The following UBL7 variants were observed in gnomAD, a reference collection of about 807,000 sequenced individuals.
UBL7 encodes the protein ubiquitin like 7.
UBL7 carries 21 observed loss-of-function variants against 41.7 expected under a neutral mutation model. The ratio of observed to expected loss-of-function variants is 0.50; its 90% confidence interval spans 0.36 to 0.73. UBL7 has a LOEUF of 0.73. Ranked by LOEUF, UBL7 falls within the 30% of genes least tolerant of loss-of-function variation. The pLI is 0.00. For missense variants in UBL7, 403 were observed against 478.4 expected, an observed-to-expected ratio of 0.84 and a Z score of 1.47; for synonymous variants, 157 against 186.9, an observed-to-expected ratio of 0.84 and a Z score of 1.31.
chr15:74,448,934 A>C (rs527290913), intron 9 of UBL7, among the ~76,000 whole-genome samples: 25 of 152,276 alleles, frequency 1.6e-4, no homozygotes, highest in African/African-American at 6.0e-4. Flanking sequence ...GGAAGGGCAT[A>C]TTGTGTGCAG....
At position 74,458,680 on chromosome 15, in the gene UBL7, TCAC is replaced by T; in HGVS notation, c.184+1_184+3del. On this transcript the variant is annotated splice_donor_variant and splice_donor_region_variant and intron_variant, in intron 2 of 10. Transcript: ENST00000395081. LOFTEE classifies it high-confidence loss of function. ...CAGCCCAACCCCAGTCCAGAGAGACTCACCAATCAGCTCAGGGTCTGGAACAGA... is the reference window on the plus strand; with the variant it reads ...CAGCCCAACCCCAGTCCAGAGAGACTCAATCAGCTCAGGGTCTGGAACAGA... The T allele has an allele frequency of 6.2e-7, 1 of 1,609,460 alleles. No individual in the cohort carries two copies. The highest frequency in any genetic ancestry group is 8.5e-7 in the Non-Finnish European group (1 of 1,176,224).
intron 5 of UBL7, 108 bp downstream of exon 5, chr15:74,451,328 A>C (rs371194416): frequency 3.0e-6 from 3 of 1,005,294 alleles, no homozygotes; most frequent in East Asian, 4.8e-5. Context: ...TTCCCACAAG[A>C]CCAGTCATTC....
In UBL7 at chr15:74,446,215, G is replaced by A; in HGVS notation, c.1018C>T (p.Pro340Ser). 6.2e-7 allele frequency: 1 copy of A among 1,613,258 alleles called. No individual in the cohort carries two copies. The highest frequency in any genetic ancestry group is 8.5e-7 in the Non-Finnish European group (1 of 1,179,830). The change falls in exon 11 of 11, where the codon CCC (proline) becomes TCC (serine). Residue 340 changes from proline to serine, a missense_variant. Coordinates refer to ENST00000395081, the MANE Select transcript of UBL7 (RefSeq NM_032907.5). The surrounding 1 kb of genome is among the most constrained non-coding windows in gnomAD (Gnocchi z 4.1). The stretch of plus-strand genomic sequence containing the variant: ...ATGTCACGTAGCTGCTGCAGCTGGG[G>A]CTGCCACTGGCTCTGTGGAAAGATA... ...GQPSLQSQWQPQLQQLRDMGI... is the reference protein window; with the variant it reads ...GQPSLQSQWQSQLQQLRDMGI...
intron 9 of UBL7, among the ~76,000 whole-genome samples, 186 bp downstream of exon 9, chr15:74,449,000 C>T (rs1298502179): frequency 6.6e-6 from 1 of 152,226 alleles, no homozygotes; most frequent in Non-Finnish European, 1.5e-5. Flanking sequence ...AAAATCTAGA[C>T]TTCTGAGTCC....
intron 1 of UBL7, 191 bp from the exon 2 acceptor site, chr15:74,459,087 C>A: frequency 3.6e-6 from 2 of 562,534 alleles, no homozygotes; most frequent in Non-Finnish European, 6.3e-6. Context: ...GCTCTCTAGG[C>A]CTCAGTTTCT....
intron 10 of UBL7, among the ~76,000 whole-genome samples, chr15:74,448,122 A>G (rs1247036973): frequency 1.3e-5 from 2 of 152,142 alleles, no homozygotes; most frequent in African/African-American, 4.8e-5. Flanking sequence ...GTGCCCCTCC[A>G]TGGCAGGGAT....
intron 9 of UBL7, 139 bp from the exon 10 acceptor site, chr15:74,448,739 C>G (rs2061210465): frequency 3.2e-6 from 4 of 1,258,510 alleles, no homozygotes; most frequent in African/African-American, 1.5e-5. Context: ...CATAAGACAA[C>G]CAAACAAAGG....
rs2061246492 is a variant in UBL7, at chr15:74,451,538, G to A, written c.388-18C>T. 1.2e-6 allele frequency: 2 copies of A among 1,609,866 alleles called. No homozygotes were observed. The highest frequency in any genetic ancestry group is 1.7e-6 in the Non-Finnish European group (2 of 1,176,658). Reference sequence around the variant, plus strand: ...TTAAAGACCTGCAGGAGAAATGGCGGGGGCTGAGCACTCCAACCAGCTCAA... The same window carrying A: ...TTAAAGACCTGCAGGAGAAATGGCGAGGGCTGAGCACTCCAACCAGCTCAA... On this transcript the variant is annotated intron_variant, in intron 4 of 10. Transcript: ENST00000395081.
At chr15:74,448,971 G>C (rs890339971) in intron 9 of UBL7, among the ~76,000 whole-genome samples, 4 of 152,148 alleles carry the variant, frequency 2.6e-5, no homozygotes, top group African/African-American at 9.7e-5. Context: ...TAATAGGGGG[G>C]ACTACACGGG....
At position 74,449,651 on chromosome 15, in the gene UBL7, G is replaced by A. The variant is rs775131091; in HGVS notation, c.689C>T (p.Ser230Leu). ...TGGGTGAAAGTCATCCTCATCATCT[G>A]AGAGCCCTTCAAACAGGAAGCCACC... ...MPGGFLFEGL[S>L]DDEDDFHPNT... is the part of the protein sequence containing the mutation. Residue 230 changes from serine (S) to leucine (L), a missense_variant, in exon 8 of 11, where the codon TCA becomes TTA. Coordinates refer to ENST00000395081, the MANE Select transcript of UBL7 (RefSeq NM_032907.5). The A allele has an allele frequency of 3.1e-5, 50 of 1,614,012 alleles. No homozygotes were observed. Among genetic ancestry groups the A allele is most frequent in the Non-Finnish European group, 4.2e-5 (50 of 1,180,042 alleles).
At chr15:74,448,398 C>T in intron 10 of UBL7, 80 bp downstream of exon 10, 1 of 1,589,068 alleles carries the variant, frequency 6.3e-7, no homozygotes, top group South Asian at 1.1e-5. Flanking sequence ...GTGTGAAGGA[C>T]CGCCAGAGAG....
rs752077871 is a variant in UBL7, at chr15:74,451,445, T to C, written c.463A>G (p.Ile155Val). ...VATPGLSSDPIALGVLQDKDL... is the reference protein window; with the variant it reads ...VATPGLSSDPVALGVLQDKDL... ...TCAGTCCTGCACTTACCAAGAGCAA[T>C]AGGGTCACTGCTGAGGCCTGGGGTG... The change falls in exon 5 of 11, where the codon ATT becomes GTT. Residue 155 changes from isoleucine (I) to valine (V), a missense_variant. Coordinates refer to ENST00000395081, the MANE Select transcript of UBL7 (RefSeq NM_032907.5). 5.0e-5 allele frequency: 81 copies of C among 1,614,002 alleles called. No homozygotes were observed. The highest frequency in any genetic ancestry group is 2.0e-4 in the Admixed American group (12 of 60,010).
chr15:74,455,448 C>T (rs1462737095), intron 3 of UBL7, among the ~76,000 whole-genome samples: 1 of 152,166 alleles, frequency 6.6e-6, no homozygotes, highest in Non-Finnish European at 1.5e-5. Flanking sequence ...CAGGAAAATA[C>T]CAGTATAGCA....
chr15:74,448,372 G>T, intron 10 of UBL7, 106 bp downstream of exon 10: 1 of 1,531,598 alleles, frequency 6.5e-7, no homozygotes, highest in Non-Finnish European at 8.9e-7. Flanking sequence ...GCTGTTCCTA[G>T]AATGAAGCAT....
rs200579468 is a variant in UBL7, at chr15:74,458,798, G to A, written c.70C>T (p.Arg24Trp). ...TCTCCCAGTTCTGTCTCTGGCAACC[G>A]AAGAATAGACTTTGGAGTAAGTGGC... is the stretch of plus-strand genomic sequence containing the variant. ...DQPLTPKSIL[R>W]LPETELGEYS... Residue 24 changes from arginine to tryptophan, a missense_variant, in exon 2 of 11, where the codon CGG (arginine) becomes TGG (tryptophan). By Grantham distance (101) the Arg-to-Trp change is moderately radical. Coordinates refer to ENST00000395081, the MANE Select transcript of UBL7 (RefSeq NM_032907.5). 1.2e-5 allele frequency: 19 copies of A among 1,613,766 alleles called. No homozygotes were observed. Among genetic ancestry groups the A allele is most frequent in the East Asian group, 6.7e-5 (3 of 44,890 alleles).
intron 2 of UBL7, among the ~76,000 whole-genome samples, chr15:74,457,213 T>C (rs548620159): frequency 1.3e-5 from 2 of 152,306 alleles, no homozygotes; most frequent in African/African-American, 2.4e-5. Context: ...AACCCAGCAC[T>C]TTTGGAGCCT....
intron 8 of UBL7, 116 bp downstream of exon 8, chr15:74,449,510 C>T (rs543881088): frequency 1.9e-6 from 3 of 1,569,588 alleles, no homozygotes; most frequent in Non-Finnish European, 1.7e-6. Context: ...TCTTGGCCCC[C>T]CAATGGCGTA....
At chr15:74,457,453 G>A (rs1455144110) in intron 2 of UBL7, among the ~76,000 whole-genome samples, 1 of 152,128 alleles carries the variant, frequency 6.6e-6, no homozygotes, top group African/African-American at 2.4e-5. Context: ...TGAAGCAGGA[G>A]AATTGCTTGA....
chr15:74,457,936 A>C lies in UBL7; in HGVS notation c.184+748T>G, dbSNP rs1289244398. ...AAAAATTACCTTTTCAGTGTAATTT[A>C]ATTATATTTAAATTCCTCCCTCCTC... On this transcript the variant is annotated intron_variant, in intron 2 of 10. Transcript: ENST00000395081. Among the ~76,000 whole-genome samples, 5 of 152,208 alleles carry C rather than the reference A, an allele frequency of 3.3e-5. No individual in the cohort carries two copies. The East Asian group carries it at 9.6e-4, about 29-fold the overall frequency.
Sources: allele counts gnomAD v4.1 joint callset (sites outside exome capture counted in the v4.1 genomes callset), GRCh38; gene constraint gnomAD v4.1.1; non-coding constraint Gnocchi (gnomAD v3.1); transcripts MANE v1.5; gene names NCBI Gene and HGNC (gene_info 2026-07-23, HGNC 2026-07-21).